ULK4: variants seen among roughly 807,000 people sequenced by gnomAD.
ULK4 encodes the protein unc-51 like kinase 4.
ULK4 carries 133 observed loss-of-function variants against 160.6 expected under a neutral mutation model. The ratio of observed to expected loss-of-function variants is 0.83; its 90% CI spans 0.72 to 0.96. ULK4 has a LOEUF of 0.96. Among genes scored for constraint, ULK4 ranks in the 40% least tolerant of loss-of-function variants. ULK4 has a pLI of 0.00. For missense variants in ULK4, 1,580 were observed against 1,499.5 expected (o/e 1.05, Z -0.89); for synonymous variants, 534 against 539.8 (o/e 0.99, Z 0.15).
chr3:41,765,462 C>T (rs111576340), intron 21 of ULK4, among the ~76,000 whole-genome samples: 6 of 151,416 alleles, frequency 4.0e-5, no homozygotes, highest in South Asian at 4.2e-4. Context: ...ATGTAAATGA[C>T]GAGTTAATGG....
chr3:41,563,668 C>T (rs1400504850), intron 32 of ULK4, among the ~76,000 whole-genome samples: 1 of 152,176 alleles, frequency 6.6e-6, no homozygotes, highest in Non-Finnish European at 1.5e-5. Flanking sequence ...GAAGCTTGTG[C>T]ATGCGTCACG....
chr3:41,682,004 A>C (rs2035939969), intron 27 of ULK4, among the ~76,000 whole-genome samples, 200 bp from the exon 28 acceptor site: 1 of 152,232 alleles, frequency 6.6e-6, no homozygotes, highest in Non-Finnish European at 1.5e-5. Context: ...TCCTCAGGTC[A>C]AAATGACATT....
chr3:41,398,312 T>A, intron 34 of ULK4, 48 bp from the exon 35 acceptor site: 1 of 1,472,352 alleles, frequency 6.8e-7, no homozygotes, highest in Non-Finnish European at 9.4e-7. Flanking sequence ...AAGACGGTAT[T>A]AGTACTCAAA....
chr3:41,646,867 T>C (rs1275344579), intron 30 of ULK4, among the ~76,000 whole-genome samples: 3 of 152,184 alleles, frequency 2.0e-5, no homozygotes, highest in Non-Finnish European at 4.4e-5. Flanking sequence ...CATAGTCCCA[T>C]ATTTCTTGGA....
rs961274072 is a variant in ULK4, at chr3:41,740,915, A to T, written c.2321+13446T>A. 2.0e-5 allele frequency among the ~76,000 whole-genome samples: 3 copies of T among 152,006 alleles called. 1 individual carries two copies. Among genetic ancestry groups the T allele is most frequent in the African/African-American group, 7.3e-5 (3 of 41,252 alleles). ...ATATTCAACCTTGCATTTTATATGC[A>T]CATGAATACAATACCTGGGCTGCAA... On this transcript the variant is annotated intron_variant, in intron 22 of 36. Transcript: ENST00000301831.
chr3:41,734,081 A>C (rs1023335592), intron 22 of ULK4, among the ~76,000 whole-genome samples: 2 of 152,066 alleles, frequency 1.3e-5, no homozygotes, highest in African/African-American at 4.8e-5. Flanking sequence ...TGGAAAACAT[A>C]TTACTGGGGT....
Position 41,564,113 on chromosome 3 carries a change from C to G in ULK4, c.3226+1912G>C, listed in dbSNP as rs563588409. On this transcript the variant is annotated intron_variant, in intron 32 of 36. Coordinates refer to ENST00000301831, the MANE Select transcript of ULK4 (RefSeq NM_017886.4). ...GTTTGTTAATTTTCCTTCTTACAGT[C>G]AGGTCCCTCAGCTGCAGGTCTGTTG... is the stretch of plus-strand genomic sequence containing the variant. 5.9e-5 allele frequency among the ~76,000 whole-genome samples: 9 copies of G among 152,266 alleles called. No individual in the cohort carries two copies. The East Asian group carries it at 1.7e-3, about 29-fold the overall frequency.
At chr3:41,925,403 A>G (rs1699344215) in intron 5 of ULK4, among the ~76,000 whole-genome samples, 1 of 152,148 alleles carries the variant, frequency 6.6e-6, no homozygotes, top group Non-Finnish European at 1.5e-5. Flanking sequence ...GGTCTTTGCA[A>G]CCCACAGACC....
At chr3:41,535,071 A>G (rs185767680) in intron 32 of ULK4, among the ~76,000 whole-genome samples, 135 of 152,240 alleles carry the variant, frequency 8.9e-4, no homozygotes, top group African/African-American at 3.2e-3. Flanking sequence ...CCTGAATCTT[A>G]TTTTTCAACT....
intron 19 of ULK4, among the ~76,000 whole-genome samples, chr3:41,812,645 C>T (rs571396467): frequency 6.6e-6 from 1 of 152,102 alleles, no homozygotes; most frequent in African/African-American, 2.4e-5. Context: ...TGGTGGTGTT[C>T]GCTATTTAAA....
chr3:41,727,970 A>C (rs2037706991), intron 22 of ULK4, among the ~76,000 whole-genome samples: 1 of 152,220 alleles, frequency 6.6e-6, no homozygotes, highest in Non-Finnish European at 1.5e-5. Context: ...AGTCAAGAAT[A>C]ATTCCATGCA....
At chr3:41,920,365 G>T (rs1344792605) in intron 5 of ULK4, among the ~76,000 whole-genome samples, 1 of 152,176 alleles carries the variant, frequency 6.6e-6, no homozygotes, top group Non-Finnish European at 1.5e-5. Flanking sequence ...TTTGACCAGG[G>T]AGAGGATGCA....
chr3:41,938,533 T>G (rs1435619150), intron 2 of ULK4, among the ~76,000 whole-genome samples: 3 of 151,904 alleles, frequency 2.0e-5, no homozygotes, highest in Non-Finnish European at 4.4e-5. Context: ...AATATAAAAA[T>G]TAGCGGGGCG....
intron 8 of ULK4, chr3:41,913,181 C>A: frequency 3.8e-6 from 1 of 260,538 alleles, no homozygotes; most frequent in Admixed American, 5.4e-5. Context: ...GTTTCTCCAA[C>A]CAGCCTAGGA....
At chr3:41,358,318 C>A (rs951590612) in intron 35 of ULK4, among the ~76,000 whole-genome samples, 3 of 152,150 alleles carry the variant, frequency 2.0e-5, no homozygotes, top group African/African-American at 7.2e-5. Context: ...TGTACAAATT[C>A]ATTATCTATG....
At position 41,838,835 on chromosome 3, in the gene ULK4, A is replaced by G. The variant is rs558925057; in HGVS notation, c.1657-2864T>C. ...CCCTCTCATGCACAGAAAGACAAAT[A>G]CTGCATCATCTTCCTCATATGTGAA... On this transcript the variant is annotated intron_variant, in intron 17 of 36. Coordinates refer to ENST00000301831, the MANE Select transcript of ULK4 (RefSeq NM_017886.4). 1.6e-4 allele frequency among the ~76,000 whole-genome samples: 25 copies of G among 152,276 alleles called. No individual in the cohort carries two copies. In the East Asian group the frequency reaches 4.8e-3, roughly 29 times the overall value.
chr3:41,880,142 A>G (rs1469856502), intron 17 of ULK4, among the ~76,000 whole-genome samples: 2 of 152,186 alleles, frequency 1.3e-5, no homozygotes, highest in Non-Finnish European at 2.9e-5. Context: ...TTTCAGTTTT[A>G]GAATTTGATG....
chr3:41,615,539 A>T lies in ULK4; in HGVS notation c.3120+130T>A, dbSNP rs748841999. The T allele has an allele frequency of 8.4e-4, 665 of 793,380 alleles. 1 individual carries two copies. Among genetic ancestry groups the T allele is most frequent in the Non-Finnish European group, 1.3e-3 (621 of 495,986 alleles). 49.1% of individuals were successfully genotyped at this position (793,380 alleles called of 1,614,324 possible). The stretch of plus-strand genomic sequence containing the variant: ...AGAAAGCTGAAGTCCAAGGAGGTTA[A>T]GTGTGATGATGATGGACGTACAATC... On this transcript the variant is annotated intron_variant, in intron 31 of 36. Coordinates refer to ENST00000301831, the MANE Select transcript of ULK4 (RefSeq NM_017886.4).
At chr3:41,943,728 T>C (rs1053475949) in intron 2 of ULK4, among the ~76,000 whole-genome samples, 5 of 152,106 alleles carry the variant, frequency 3.3e-5, no homozygotes, top group African/African-American at 4.8e-5. Context: ...TCTTGTACCA[T>C]ACCCTGCCTT....
Sources: allele counts gnomAD v4.1 joint callset (sites outside exome capture counted in the v4.1 genomes callset), GRCh38; gene constraint gnomAD v4.1.1; transcripts MANE v1.5; gene names NCBI Gene and HGNC (gene_info 2026-07-23, HGNC 2026-07-21).